Variants in PDGFRB observed in about 807,000 individuals in gnomAD.
The protein encoded by PDGFRB is platelet derived growth factor receptor beta.
A neutral mutation model predicts 120.2 loss-of-function variants in PDGFRB; 42 were observed. The observed-to-expected ratio is 0.35, with a 90% confidence interval of 0.27 to 0.45. PDGFRB has a LOEUF of 0.45. Ranked by LOEUF, PDGFRB falls within the 20% of genes least tolerant of loss-of-function variation. The pLI, the probability that PDGFRB is intolerant of heterozygous loss-of-function variation, is 1.00. For synonymous variants in PDGFRB, 586 were observed against 606.8 expected (o/e 0.97, Z 0.50); for missense variants, 1,149 against 1,476.3 (o/e 0.78, Z 3.63).
At chr5:150,130,399 G>A (rs1760429634) in intron 9 of PDGFRB, 140 bp downstream of exon 9, 3 of 779,996 alleles carry the variant, frequency 3.8e-6, no homozygotes, top group South Asian at 3.3e-5. Context: ...TAGGACCAAG[G>A]AGGTGGTGAC....
Position 150,132,212 on chromosome 5 carries a change from G to T in PDGFRB, c.1128-118C>A, listed in dbSNP as rs892174105. The T allele has an allele frequency of 3.2e-6, 2 of 624,868 alleles. No individual in the cohort carries two copies. Among genetic ancestry groups the T allele is most frequent in the Admixed American group, 2.7e-5 (1 of 37,314 alleles). The allele number at this position is 624,868 out of a possible 1,614,324, so 38.7% of individuals were successfully genotyped here. A position where few individuals can be genotyped will look rare whatever the true frequency, so the allele number is the denominator to read the frequency against. ...GGAAGGGCTTGCCAAGGTCATCTCG[G>T]CATTGGTAGCAGAGCCGGGACTCAA... is the stretch of plus-strand genomic sequence containing the variant. On this transcript the variant is annotated intron_variant, in intron 7 of 22. Transcript: ENST00000261799. The surrounding 1 kb of genome is among the most constrained non-coding windows in gnomAD (Gnocchi z 5.0).
chr5:150,127,855 A>C (rs1009582584), intron 10 of PDGFRB, among the ~76,000 whole-genome samples: 190 of 150,798 alleles, frequency 1.3e-3, no homozygotes, highest in Non-Finnish European at 2.1e-3. Context: ...AAAAAAAAAA[A>C]AAAACTTTGG....
intron 11 of PDGFRB, 24 bp downstream of exon 11, chr5:150,126,496 C>G: frequency 8.0e-7 from 1 of 1,247,160 alleles, no homozygotes; most frequent in Non-Finnish European, 1.2e-6. Context: ...CAGTCTTCAC[C>G]CACTGGGCCA....
At position 150,126,368 on chromosome 5, in the gene PDGFRB, TG is replaced by T. The variant is rs1448473148; in HGVS notation, c.1674+151del. The T allele has an allele frequency of 2.3e-5, 15 of 649,842 alleles. No homozygotes were observed. The Admixed American group carries it at 2.8e-4, about 12-fold the overall frequency. 40.3% of individuals were successfully genotyped at this position (649,842 alleles called of 1,614,324 possible). On this transcript the variant is annotated intron_variant, in intron 11 of 22. Coordinates refer to ENST00000261799, the MANE Select transcript of PDGFRB (RefSeq NM_002609.4). Reference sequence around the variant, plus strand: ...CCAGACTGCTGGGGGTGGAGGAAGCTGAGACAGCCAGCGTCACAAGTCCCCA... The same window carrying T: ...CCAGACTGCTGGGGGTGGAGGAAGCTAGACAGCCAGCGTCACAAGTCCCCA...
chr5:150,129,421 G>A (rs1760388005), intron 10 of PDGFRB, among the ~76,000 whole-genome samples: 2 of 151,736 alleles, frequency 1.3e-5, no homozygotes, highest in African/African-American at 4.8e-5. Context: ...TTCAGTAGAC[G>A]ATTTACATAT....
rs1077724 is a variant in PDGFRB, at chr5:150,124,552, A to T, written c.1912+175T>A. The T allele has an allele frequency of 0.31, 193,534 of 619,344 alleles. 31,337 individuals are homozygous for T. The highest frequency in any genetic ancestry group is 0.35 in the Middle Eastern group (929 of 2,674). The allele number at this position is 619,344 out of a possible 1,614,324, so 38.4% of individuals were successfully genotyped here. On this transcript the variant is annotated intron_variant, in intron 13 of 22. Coordinates refer to ENST00000261799, the MANE Select transcript of PDGFRB (RefSeq NM_002609.4). ...GGGAAGCAGGCCGAGGAGGCCAGGG[A>T]GAGGAACGCTCTTTCCCAAACCAGA...
rs1479734172 is a variant in PDGFRB, at chr5:150,137,083, G to C, written c.-6-30C>G. 2.5e-6 allele frequency: 4 copies of C among 1,602,944 alleles called. No homozygotes were observed. In the South Asian group the frequency reaches 4.4e-5, roughly 18 times the overall value. Reference sequence around the variant, plus strand: ...AGAGTTAAACAGGAGTCAGGGCCCAGGGCAGGTGGAGGCAGCGACAGGGGC... The same window carrying C: ...AGAGTTAAACAGGAGTCAGGGCCCACGGCAGGTGGAGGCAGCGACAGGGGC... On this transcript the variant is annotated intron_variant, in intron 1 of 22. Coordinates refer to ENST00000261799, the MANE Select transcript of PDGFRB (RefSeq NM_002609.4).
At chr5:150,152,474 G>C (rs1375522480) in intron 1 of PDGFRB, among the ~76,000 whole-genome samples, 1 of 152,120 alleles carries the variant, frequency 6.6e-6, no homozygotes, top group Non-Finnish European at 1.5e-5. Flanking sequence ...AGAAGACAGG[G>C]GGCACCAAAA....
intron 1 of PDGFRB, among the ~76,000 whole-genome samples, chr5:150,141,146 T>G (rs1248933395): frequency 6.6e-6 from 1 of 152,216 alleles, no homozygotes; most frequent in Admixed American, 6.5e-5. Context: ...CAAGCCCTCA[T>G]GCAGGTACTA....
rs921626023 is a variant in PDGFRB, at chr5:150,125,643, G to A, written c.1675-66C>T. On this transcript the variant is annotated intron_variant, in intron 11 of 22. Coordinates refer to ENST00000261799, the MANE Select transcript of PDGFRB (RefSeq NM_002609.4). ...TCAGGCCCTGAGCCCCATTAGGTTC[G>A]TCCGTCTAGGACACATGGGGCAGGA... The A allele has an allele frequency of 2.0e-5, 30 of 1,531,828 alleles. No individual in the cohort carries two copies. In the East Asian group the frequency reaches 3.6e-4, roughly 18 times the overall value. The allele number at this position is 1,531,828 out of a possible 1,614,324, so 94.9% of individuals were successfully genotyped here.
intron 2 of PDGFRB, among the ~76,000 whole-genome samples, chr5:150,136,438 G>A (rs1053220069): frequency 3.3e-5 from 5 of 152,200 alleles, no homozygotes; most frequent in African/African-American, 1.2e-4. Flanking sequence ...GACATCCCCT[G>A]GAGAAGGATT....
At chr5:150,119,728 A>G (rs554869189) in intron 19 of PDGFRB, among the ~76,000 whole-genome samples, 162 bp from the exon 20 acceptor site, 1 of 152,344 alleles carries the variant, frequency 6.6e-6, no homozygotes, top group African/African-American at 2.4e-5. Context: ...CTCTGAACAG[A>G]GACCACAACC....
chr5:150,139,354 C>T (rs1275242224), intron 1 of PDGFRB, among the ~76,000 whole-genome samples: 3 of 152,060 alleles, frequency 2.0e-5, no homozygotes, highest in South Asian at 2.1e-4. Context: ...TGAGACTGAG[C>T]GAGTCTCCAG....
chr5:150,128,645 G>A (rs190889414), intron 10 of PDGFRB, among the ~76,000 whole-genome samples: 2 of 152,344 alleles, frequency 1.3e-5, no homozygotes, highest in East Asian at 3.9e-4. Flanking sequence ...CCCTCTGAGT[G>A]GGACACCATT....
Position 150,114,068 on chromosome 5 carries a change from C to T in PDGFRB, c.*1695G>A, listed in dbSNP as rs1759843134. On this transcript the variant is annotated 3_prime_UTR_variant, in exon 23 of 23. Coordinates refer to ENST00000261799, the MANE Select transcript of PDGFRB (RefSeq NM_002609.4). ...GGATCCCAGGGAAGTAAGGTGCCAA[C>T]CTGCAATGCAGGGTTGGTGCCCAGA... 1.3e-5 allele frequency: 3 copies of T among 233,686 alleles called. No individual in the cohort carries two copies. The highest frequency in any genetic ancestry group is 6.0e-5 in the East Asian group (1 of 16,584). The allele number at this position is 233,686 out of a possible 1,614,324, so 14.5% of individuals were successfully genotyped here.
chr5:150,115,736 A>G lies in PDGFRB; in HGVS notation c.*27T>C. On this transcript the variant is annotated 3_prime_UTR_variant, in exon 23 of 23. Transcript: ENST00000261799. ...TGGGTGCTGGCAGGGGGGGAGCTTCAGGCAGGGCAGGGTAGGGGCCAGCCC... is the reference window on the plus strand; with the variant it reads ...TGGGTGCTGGCAGGGGGGGAGCTTCGGGCAGGGCAGGGTAGGGGCCAGCCC... 6.5e-7 allele frequency: 1 copy of G among 1,537,650 alleles called. No homozygotes were observed. Among genetic ancestry groups the G allele is most frequent in the Non-Finnish European group, 8.8e-7 (1 of 1,142,516 alleles).
chr5:150,144,278 C>T (rs1452265354), intron 1 of PDGFRB, among the ~76,000 whole-genome samples: 1 of 152,162 alleles, frequency 6.6e-6, no homozygotes, highest in Non-Finnish European at 1.5e-5. Flanking sequence ...CTCCTCTGCT[C>T]TCCATCCCCC....
chr5:150,130,242 G>T lies in PDGFRB; in HGVS notation c.1368-274C>A, dbSNP rs192960000. 7.2e-5 allele frequency among the ~76,000 whole-genome samples: 11 copies of T among 152,306 alleles called. No homozygotes were observed. In the East Asian group the frequency reaches 2.1e-3, roughly 29 times the overall value. On this transcript the variant is annotated intron_variant, in intron 9 of 22. Coordinates refer to ENST00000261799, the MANE Select transcript of PDGFRB (RefSeq NM_002609.4). ...AGAACCTGCACTGAATCCTGCCTCT[G>T]TCCACTGCATTAGAATCGACCTGGC...
rs769483792 is a variant in PDGFRB at position 150,132,759 on chromosome 5, G to C, written c.1118C>G (p.Ser373Trp). 3 of 1,612,702 alleles carry C rather than the reference G, an allele frequency of 1.9e-6. No individual in the cohort carries two copies. In the South Asian group the frequency reaches 3.3e-5, roughly 18 times the overall value. ...GEIALSTRNV[S>W]ETRYVSELTL... ...AGAGCGAGCTGCTCACCGGGTCTCC[G>C]ACACGTTGCGCGTGGACAGGGCGAT... is the stretch of plus-strand genomic sequence containing the variant. Residue 373 changes from serine to tryptophan, a missense_variant, in exon 7 of 23, where the codon TCG becomes TGG. Physicochemically the swap from Ser to Trp is radical, Grantham distance 177. Coordinates refer to ENST00000261799, the MANE Select transcript of PDGFRB (RefSeq NM_002609.4). This position sits in a 1 kb window ranked among gnomAD's most constrained non-coding sequence, Gnocchi z 5.0.
Sources: gnomAD v4.1 joint callset for allele counts (sites outside exome capture counted in the v4.1 genomes callset) on GRCh38, gnomAD v4.1.1 for gene constraint, Gnocchi (gnomAD v3.1) non-coding constraint, MANE v1.5 for transcripts, NCBI Gene and HGNC (gene_info 2026-07-23, HGNC 2026-07-21) for gene names.